DNAH14: variants seen among roughly 807,000 people sequenced by gnomAD.
DNAH14 encodes the protein axonemal beta dynein heavy chain 14.
Under a neutral mutation model 520.9 loss-of-function variants are expected in DNAH14, and 478 were observed. The ratio of observed to expected loss-of-function variants is 0.92; its 90% confidence interval spans 0.85 to 0.99. The LOEUF is 0.99. DNAH14 is among the 50% of genes least tolerant of loss of function. The pLI is 0.00. For missense variants in DNAH14, 4,831 were observed against 5,234.5 expected (o/e 0.92, Z 2.38); for synonymous variants, 1,581 against 1,757.2 (o/e 0.90, Z 2.51).
At position 225,078,851 on chromosome 1, in the gene DNAH14, T is replaced by C. The variant is rs1322172863; in HGVS notation, c.2425-356T>C. Among the ~76,000 whole-genome samples the C allele has an allele frequency of 2.6e-3, 115 of 45,026 alleles. 3 individuals are homozygous for C. Among genetic ancestry groups the C allele is most frequent in the African/African-American group, 9.8e-3 (99 of 10,068 alleles). 29.5% of individuals were successfully genotyped at this position (45,026 alleles called of 152,430 possible). A position where few individuals can be genotyped will look rare whatever the true frequency, so the allele number is the denominator to read the frequency against. The stretch of plus-strand genomic sequence containing the variant: ...CTCTCTCTCTCTCTCTCCCTCTCTC[T>C]CTCTCTCCCTCTCTCTCTCTCTCTC... On this transcript the variant is annotated intron_variant, in intron 17 of 85. Coordinates refer to ENST00000682510, the MANE Select transcript of DNAH14 (RefSeq NM_001367479.1).
At chr1:225,349,787 C>A (rs2095339090) in intron 71 of DNAH14, among the ~76,000 whole-genome samples, 1 of 151,986 alleles carries the variant, frequency 6.6e-6, no homozygotes, top group Admixed American at 6.6e-5. Flanking sequence ...CTCAGAGCTC[C>A]CAAATACGTG....
chr1:225,167,603 T>G (rs1057285422), intron 35 of DNAH14, among the ~76,000 whole-genome samples: 9 of 152,228 alleles, frequency 5.9e-5, no homozygotes, highest in African/African-American at 1.4e-4. Flanking sequence ...TTTTATGTTT[T>G]CTTTTAGTGT....
At chr1:225,398,467 G>C in intron 84 of DNAH14, 53 bp from the exon 85 acceptor site, 1 of 1,540,934 alleles carries the variant, frequency 6.5e-7, no homozygotes, top group South Asian at 1.2e-5. Context: ...GGAGCCTCCA[G>C]TTGGTCGCTG....
chr1:225,129,562 T>A (rs1375106838), intron 27 of DNAH14, among the ~76,000 whole-genome samples: 3 of 152,144 alleles, frequency 2.0e-5, no homozygotes, highest in Admixed American at 6.5e-5. Flanking sequence ...AAACAAGCAA[T>A]GTGGAAAGGA....
At chr1:225,190,056 G>C (rs1412266043) in intron 37 of DNAH14, among the ~76,000 whole-genome samples, 1 of 151,680 alleles carries the variant, frequency 6.6e-6, no homozygotes, top group Non-Finnish European at 1.5e-5. Context: ...ACCTCAGCTT[G>C]TATCTCCCCT....
chr1:225,164,527 T>C (rs1213809965), intron 35 of DNAH14, among the ~76,000 whole-genome samples: 2 of 152,188 alleles, frequency 1.3e-5, no homozygotes. Flanking sequence ...TCTTAAGATA[T>C]ATTACTGTTA....
At chr1:225,237,882 T>C (rs1322229471) in intron 42 of DNAH14, among the ~76,000 whole-genome samples, 1 of 152,248 alleles carries the variant, frequency 6.6e-6, no homozygotes, top group Non-Finnish European at 1.5e-5. Flanking sequence ...AGCTCTGAGA[T>C]TCTCTCCTCC....
At chr1:224,951,134 G>A (rs2060144269) in intron 1 of DNAH14, among the ~76,000 whole-genome samples, 1 of 151,804 alleles carries the variant, frequency 6.6e-6, no homozygotes, top group Non-Finnish European at 1.5e-5. Flanking sequence ...CTAGCGATTT[G>A]CCTGCCTCAG....
intron 27 of DNAH14, among the ~76,000 whole-genome samples, chr1:225,139,628 T>A (rs866086880): frequency 6.6e-6 from 1 of 152,198 alleles, no homozygotes; most frequent in South Asian, 2.1e-4. Flanking sequence ...TAATTAAAAA[T>A]TCCTTTATAA....
intron 52 of DNAH14, among the ~76,000 whole-genome samples, chr1:225,274,826 A>T (rs1159368380): frequency 1.3e-5 from 2 of 152,232 alleles, no homozygotes. Context: ...AAGGATTTAA[A>T]TTATTCCTGT....
chr1:225,131,920 G>A (rs2078463602), intron 27 of DNAH14, among the ~76,000 whole-genome samples: 1 of 152,078 alleles, frequency 6.6e-6, no homozygotes, highest in South Asian at 2.1e-4. Flanking sequence ...CTAAGGAATA[G>A]GCAAAAGAAA....
intron 41 of DNAH14, among the ~76,000 whole-genome samples, chr1:225,227,171 C>T (rs544310809): frequency 1.6e-4 from 24 of 152,052 alleles, no homozygotes; most frequent in African/African-American, 5.3e-4. Context: ...AGACCCTTTA[C>T]GGGTGTCAGG....
intron 3 of DNAH14, among the ~76,000 whole-genome samples, chr1:224,959,598 A>G (rs1477942011): frequency 6.6e-6 from 1 of 152,136 alleles, no homozygotes; most frequent in Non-Finnish European, 1.5e-5. Context: ...CTATGTGTTA[A>G]GTCTACCAAT....
In DNAH14 at chr1:225,363,824, T is replaced by C. The variant is rs550438172; in HGVS notation, c.11988-968T>C. On this transcript the variant is annotated intron_variant, in intron 75 of 85. Transcript: ENST00000682510. ...TAAATTGTTATTAATCTGTATTGTT[T>C]AGGAAATAATTACAAAGAAAAAAGT... 1.6e-4 allele frequency among the ~76,000 whole-genome samples: 25 copies of C among 152,348 alleles called. No individual in the cohort carries two copies. In the South Asian group the frequency reaches 5.2e-3, roughly 32 times the overall value.
intron 55 of DNAH14, 143 bp downstream of exon 55, chr1:225,290,225 A>G (rs983420835): frequency 1.8e-5 from 10 of 557,552 alleles, no homozygotes; most frequent in African/African-American, 9.6e-5. Flanking sequence ...TTCTTGCAGT[A>G]TTCTCTGTTC....
Position 225,276,975 on chromosome 1 carries a change from AAGGAAGGAAGGGAGGGAGGAAGGAAGGG to A in DNAH14, c.8179-431_8179-404del, listed in dbSNP as rs1250373613. On this transcript the variant is annotated intron_variant, in intron 53 of 85. Transcript: ENST00000682510. ...GAAGGAAGGAAGGAAGGAAGGAAGG[AAGGAAGGAAGGGAGGGAGGAAGGAAGGG>A]AGGGAGGGAGGGAGGGAGGGAGGGA... Among the ~76,000 whole-genome samples, 180 of 61,434 alleles carry A rather than the reference AAGGAAGGAAGGGAGGGAGGAAGGAAGGG, an allele frequency of 2.9e-3. 3 individuals are homozygous for A. The highest frequency in any genetic ancestry group is 0.015 in the African/African-American group (175 of 11,850). 40.3% of individuals were successfully genotyped at this position (61,434 alleles called of 152,430 possible).
At chr1:224,977,591 G>A (rs542348491) in intron 8 of DNAH14, among the ~76,000 whole-genome samples, 2 of 152,292 alleles carry the variant, frequency 1.3e-5, no homozygotes, top group South Asian at 2.1e-4. Context: ...GTTCACAGAT[G>A]TATACTTATC....
At chr1:225,086,930 A>G (rs2073873050) in intron 21 of DNAH14, among the ~76,000 whole-genome samples, 1 of 152,166 alleles carries the variant, frequency 6.6e-6, no homozygotes, top group Non-Finnish European at 1.5e-5. Flanking sequence ...CCTTCATTAA[A>G]AATGAAAAGT....
chr1:225,335,870 C>T (rs920577595), intron 66 of DNAH14, among the ~76,000 whole-genome samples: 1 of 48,928 alleles, frequency 2.0e-5, no homozygotes. Context: ...TATGTACATA[C>T]ACATATACAT....
Sources: allele counts gnomAD v4.1 joint callset (sites outside exome capture counted in the v4.1 genomes callset), GRCh38; gene constraint gnomAD v4.1.1; transcripts MANE v1.5; gene names NCBI Gene and HGNC (gene_info 2026-07-23, HGNC 2026-07-21).